The following ALDH1A2 variants were observed in gnomAD, a reference collection of about 807,000 sequenced individuals.
ALDH1A2 encodes the protein aldehyde dehydrogenase 1 family member A2, also known as retinal dehydrogenase 2.
In ALDH1A2, 27 loss-of-function variants were observed where a neutral mutation model predicts 60.3. The observed-to-expected ratio is 0.45, with a 90% CI of 0.33 to 0.62. The LOEUF (loss-of-function observed/expected upper bound fraction) is 0.62. Ranked by LOEUF, ALDH1A2 falls within the 20% of genes least tolerant of loss-of-function variation. The pLI is 0.02. For missense variants in ALDH1A2, 581 were observed against 643.8 expected, an observed-to-expected ratio of 0.90 and a Z score of 1.06; for synonymous variants, 289 against 232.4, an observed-to-expected ratio of 1.24 and a Z score of -2.21.
chr15:58,023,826 G>A (rs1315899351), intron 1 of ALDH1A2, among the ~76,000 whole-genome samples: 3 of 152,126 alleles, frequency 2.0e-5, no homozygotes, highest in African/African-American at 7.2e-5. Context: ...GCAGGGTGGT[G>A]CATGCTTGTA....
chr15:57,955,181 C>G lies in ALDH1A2; in HGVS notation c.*16G>C, dbSNP rs772617311. The G allele has an allele frequency of 3.7e-6, 6 of 1,613,612 alleles. No individual in the cohort carries two copies. The highest frequency in any genetic ancestry group is 4.5e-5 in the East Asian group (2 of 44,872). Reference sequence around the variant, plus strand: ...ACAGACGTGCAGGCTGGGCTTCATCCTCCTTCTTGGCCTTCTTAGGAGTTC... The same window carrying G: ...ACAGACGTGCAGGCTGGGCTTCATCGTCCTTCTTGGCCTTCTTAGGAGTTC... On this transcript the variant is annotated 3_prime_UTR_variant, in exon 13 of 13. Coordinates refer to ENST00000249750, the MANE Select transcript of ALDH1A2 (RefSeq NM_003888.4).
intron 7 of ALDH1A2, among the ~76,000 whole-genome samples, chr15:57,978,858 G>A (rs1894373627): frequency 6.6e-6 from 1 of 152,192 alleles, no homozygotes; most frequent in Non-Finnish European, 1.5e-5. Flanking sequence ...CTAACATGGT[G>A]AAACCTCGTC....
At chr15:57,982,050 A>C (rs911777208) in intron 7 of ALDH1A2, among the ~76,000 whole-genome samples, 3 of 152,168 alleles carry the variant, frequency 2.0e-5, no homozygotes, top group African/African-American at 7.2e-5. Flanking sequence ...GCCCTTTTAT[A>C]ATGGCATTAA....
chr15:58,006,023 A>ATT (rs34604016), intron 4 of ALDH1A2, among the ~76,000 whole-genome samples: 177 of 149,002 alleles, frequency 1.2e-3, no homozygotes, highest in African/African-American at 4.1e-3. Context: ...CAAAGCAGGG[A>ATT]TTTTTTTTTT....
chr15:58,024,275 T>C (rs1014085947), intron 1 of ALDH1A2, among the ~76,000 whole-genome samples: 1 of 151,722 alleles, frequency 6.6e-6, no homozygotes, highest in African/African-American at 2.4e-5. Context: ...AAAAGAGATA[T>C]AATGGCTGAA....
intron 7 of ALDH1A2, among the ~76,000 whole-genome samples, chr15:57,975,797 G>T (rs1490529854): frequency 6.6e-6 from 1 of 151,178 alleles, no homozygotes; most frequent in African/African-American, 2.4e-5. Context: ...TATAGTGCCA[G>T]AAAGCCTGGG....
chr15:58,006,157 T>G (rs1234831396), intron 4 of ALDH1A2, among the ~76,000 whole-genome samples: 1 of 151,840 alleles, frequency 6.6e-6, no homozygotes, highest in Non-Finnish European at 1.5e-5. Context: ...CAATATGTAG[T>G]CTTTTATCAC....
chr15:58,031,225 T>C (rs1896232501), intron 1 of ALDH1A2, among the ~76,000 whole-genome samples: 1 of 152,076 alleles, frequency 6.6e-6, no homozygotes, highest in African/African-American at 2.4e-5. Flanking sequence ...TCTACAACCA[T>C]CTGATCTTTG....
chr15:58,000,115 C>A (rs552618011), intron 4 of ALDH1A2, among the ~76,000 whole-genome samples: 1 of 151,844 alleles, frequency 6.6e-6, no homozygotes, highest in East Asian at 1.9e-4. Context: ...GGGCTTAATA[C>A]CTAGGTGATG....
At chr15:58,022,981 T>C (rs990931199) in intron 1 of ALDH1A2, among the ~76,000 whole-genome samples, 3 of 152,208 alleles carry the variant, frequency 2.0e-5, no homozygotes, top group Non-Finnish European at 2.9e-5. Flanking sequence ...AGGAACACCA[T>C]ACTCCATCAA....
At chr15:58,056,626 A>G (rs182306173) in intron 1 of ALDH1A2, among the ~76,000 whole-genome samples, 20 of 152,278 alleles carry the variant, frequency 1.3e-4, no homozygotes, top group Admixed American at 1.1e-3. Context: ...AAGTTACAAG[A>G]GGAAAGAAAA....
At chr15:57,990,626 G>C (rs1894862062) in intron 7 of ALDH1A2, 1 of 152,170 alleles carries the variant, frequency 6.6e-6, no homozygotes, top group Admixed American at 6.5e-5. Context: ...TGTAATCCTA[G>C]CACTTTGGGA....
At chr15:57,985,234 A>C (rs1208061760) in intron 7 of ALDH1A2, among the ~76,000 whole-genome samples, 1 of 152,062 alleles carries the variant, frequency 6.6e-6, no homozygotes, top group Non-Finnish European at 1.5e-5. Flanking sequence ...TTCCACTAAG[A>C]CTTTGTGTTC....
intron 1 of ALDH1A2, among the ~76,000 whole-genome samples, chr15:58,061,185 C>A (rs1897023956): frequency 6.6e-6 from 1 of 152,092 alleles, no homozygotes; most frequent in Non-Finnish European, 1.5e-5. Context: ...GGAGAATTAT[C>A]TAATTCAAGT....
At chr15:57,978,535 G>C (rs118111613) in intron 7 of ALDH1A2, among the ~76,000 whole-genome samples, 2,132 of 152,302 alleles carry the variant, frequency 0.014, 24 homozygotes, top group African/African-American at 0.033. Context: ...GGATAAAGCC[G>C]ACTGGATTGT....
At chr15:58,044,794 T>C (rs2140561000) in intron 1 of ALDH1A2, among the ~76,000 whole-genome samples, 2 of 152,086 alleles carry the variant, frequency 1.3e-5, no homozygotes, top group Middle Eastern at 6.8e-3. Context: ...CCAATCCTTA[T>C]CATAATTACT....
chr15:58,022,068 C>T (rs1566951677), intron 1 of ALDH1A2, among the ~76,000 whole-genome samples: 1 of 152,214 alleles, frequency 6.6e-6, no homozygotes, highest in East Asian at 1.9e-4. Flanking sequence ...GGCCTCAATG[C>T]AGCTGCTACT....
chr15:58,026,182 A>G (rs115737069), intron 1 of ALDH1A2, among the ~76,000 whole-genome samples: 2,120 of 152,322 alleles, frequency 0.014, 56 homozygotes, highest in African/African-American at 0.047. Flanking sequence ...ATCTTCAACA[A>G]AATACTAACA....
At position 57,961,579 on chromosome 15, in the gene ALDH1A2, G is replaced by A. The variant is rs554871377; in HGVS notation, c.1252-285C>T. On this transcript the variant is annotated intron_variant, in intron 10 of 12. Transcript: ENST00000249750. Reference sequence around the variant, plus strand: ...TACAGAAGAGCAAGTGGCATCCTCCGTGATCCTGCAAACACTGCTCCAGAA... The same window carrying A: ...TACAGAAGAGCAAGTGGCATCCTCCATGATCCTGCAAACACTGCTCCAGAA... Among the ~76,000 whole-genome samples, 18 of 152,250 alleles carry A rather than the reference G, an allele frequency of 1.2e-4. No individual in the cohort carries two copies. The East Asian group carries it at 1.4e-3, about 11-fold the overall frequency.
Sources: gnomAD v4.1 joint callset for allele counts (sites outside exome capture counted in the v4.1 genomes callset) on GRCh38, gnomAD v4.1.1 for gene constraint, MANE v1.5 for transcripts, NCBI Gene and HGNC (gene_info 2026-07-23, HGNC 2026-07-21) for gene names.